The following TBC1D1 variants were observed in gnomAD, a reference collection of about 807,000 sequenced individuals.
TBC1D1 encodes the protein TBC1 (tre-2/USP6, BUB2, cdc16) domain family, member 1.
A neutral mutation model predicts 125.6 loss-of-function variants in TBC1D1; 89 were observed. That is an observed-to-expected ratio of 0.71 (90% CI 0.60 to 0.85). The LOEUF is 0.85. Ranked by LOEUF, TBC1D1 falls within the 40% of genes least tolerant of loss-of-function variation. TBC1D1 has a pLI of 0.00. For missense variants in TBC1D1, 1,377 were observed against 1,469.2 expected (o/e 0.94, Z 1.03); for synonymous variants, 565 against 564.1 (o/e 1.00, Z -0.02).
At position 38,103,103 on chromosome 4, in the gene TBC1D1, A is replaced by G; in HGVS notation, c.2503A>G (p.Lys835Glu). ...ACAGCAGCCAAAGGATGTGCCATAC[A>G]AAGAACTCTTAAAGCAGCTGACTTC... Residue 835 changes from lysine (K) to glutamate (E), a missense_variant, in exon 15 of 20, where the codon AAA (lysine) becomes GAA (glutamate). Physicochemically the swap from Lys to Glu is moderately conservative, Grantham distance 56 (BLOSUM62 1). Coordinates refer to ENST00000261439, the MANE Select transcript of TBC1D1 (RefSeq NM_015173.4). 8 of 1,614,108 alleles carry G rather than the reference A, an allele frequency of 5.0e-6. No homozygotes were observed. Among genetic ancestry groups the G allele is most frequent in the African/African-American group, 1.3e-5 (1 of 75,034 alleles).
intron 2 of TBC1D1, among the ~76,000 whole-genome samples, chr4:37,925,812 TA>T (rs34304009): frequency 0.022 from 3,352 of 151,126 alleles, 110 homozygotes; most frequent in African/African-American, 0.076. Flanking sequence ...ATAACTGTTC[TA>T]AAAAAAAAGT....
chr4:38,104,293 C>G (rs749748202), intron 15 of TBC1D1, among the ~76,000 whole-genome samples: 1 of 152,102 alleles, frequency 6.6e-6, no homozygotes, highest in Non-Finnish European at 1.5e-5. Flanking sequence ...ACCTATCCCC[C>G]GAGGATGCCA....
At chr4:38,087,811 A>C (rs1282083415) in intron 12 of TBC1D1, among the ~76,000 whole-genome samples, 1 of 135,360 alleles carries the variant, frequency 7.4e-6, no homozygotes, top group African/African-American at 2.8e-5. Flanking sequence ...GCGCCACCAC[A>C]CTCCCACCTG....
At chr4:37,991,886 G>T (rs975796808) in intron 2 of TBC1D1, among the ~76,000 whole-genome samples, 2 of 152,102 alleles carry the variant, frequency 1.3e-5, no homozygotes, top group Admixed American at 6.6e-5. Flanking sequence ...CCATCCAGGG[G>T]GTGACAAAGA....
intron 19 of TBC1D1, among the ~76,000 whole-genome samples, chr4:38,134,127 C>T (rs1332487815): frequency 3.3e-5 from 5 of 151,960 alleles, no homozygotes; most frequent in Non-Finnish European, 5.9e-5. Context: ...ATATTTTTGC[C>T]GAAATTTTTA....
At chr4:38,073,801 G>A (rs558605642) in intron 12 of TBC1D1, among the ~76,000 whole-genome samples, 15 of 152,200 alleles carry the variant, frequency 9.9e-5, no homozygotes, top group South Asian at 4.2e-4. Flanking sequence ...GAAGGCAGCC[G>A]GTCCATTCCT....
intron 19 of TBC1D1, among the ~76,000 whole-genome samples, chr4:38,135,768 G>C (rs1361734738): frequency 6.6e-6 from 1 of 152,124 alleles, no homozygotes; most frequent in Non-Finnish European, 1.5e-5. Context: ...GCCAGAGCTA[G>C]ACTTCGAGTC....
intron 14 of TBC1D1, among the ~76,000 whole-genome samples, chr4:38,102,785 G>A (rs1760603791): frequency 1.3e-5 from 2 of 151,916 alleles, no homozygotes; most frequent in Non-Finnish European, 2.9e-5. Flanking sequence ...GGAGGCCGAG[G>A]TGGGAGGATC....
At chr4:38,062,340 A>G (rs1752921745) in intron 12 of TBC1D1, among the ~76,000 whole-genome samples, 4 of 151,454 alleles carry the variant, frequency 2.6e-5, no homozygotes, top group Admixed American at 2.0e-4. Context: ...CTCATTTGCA[A>G]CTTATTTGAA....
At chr4:38,106,873 A>G (rs1578744056) in intron 15 of TBC1D1, among the ~76,000 whole-genome samples, 1 of 152,132 alleles carries the variant, frequency 6.6e-6, no homozygotes, top group Non-Finnish European at 1.5e-5. Flanking sequence ...GGGCTCAGGC[A>G]GCCTTCCTTG....
In TBC1D1 at chr4:38,138,856, A is replaced by G. The variant is rs1025190546; in HGVS notation, c.*1521A>G. ...AGACTCACTGTGAGTCTCCCCGGCC[A>G]TTTCACGAGGAGACCACAGTGCTGC... On this transcript the variant is annotated 3_prime_UTR_variant, in exon 20 of 20. Transcript: ENST00000261439. 2 of 152,548 alleles carry G rather than the reference A, an allele frequency of 1.3e-5. No individual in the cohort carries two copies. The highest frequency in any genetic ancestry group is 2.4e-5 in the African/African-American group (1 of 41,422). 9.4% of individuals were successfully genotyped at this position (152,548 alleles called of 1,614,324 possible). A position where few individuals can be genotyped will look rare whatever the true frequency, so the allele number is the denominator to read the frequency against.
intron 2 of TBC1D1, among the ~76,000 whole-genome samples, chr4:37,988,750 T>C (rs1341655064): frequency 1.3e-5 from 2 of 152,126 alleles, no homozygotes; most frequent in Non-Finnish European, 2.9e-5. Context: ...AAAACAAAAT[T>C]TGAAGCACCC....
intron 12 of TBC1D1, among the ~76,000 whole-genome samples, chr4:38,081,666 T>G (rs942878974): frequency 6.6e-6 from 1 of 152,210 alleles, no homozygotes; most frequent in Non-Finnish European, 1.5e-5. Context: ...CAGCACTTAC[T>G]CTTGTCTAAG....
At chr4:38,080,013 T>G (rs1756282569) in intron 12 of TBC1D1, among the ~76,000 whole-genome samples, 1 of 152,258 alleles carries the variant, frequency 6.6e-6, no homozygotes, top group African/African-American at 2.4e-5. Context: ...CCCAGAGTTT[T>G]TGATCCAGTA....
intron 15 of TBC1D1, among the ~76,000 whole-genome samples, chr4:38,104,615 C>T (rs3890061): frequency 0.14 from 22,004 of 152,118 alleles, 2,123 homozygotes; most frequent in East Asian, 0.47. Flanking sequence ...TGGGGCCCTG[C>T]GGTGGCCCGG....
rs1172134735 is a variant in TBC1D1 at position 37,947,510 on chromosome 4, G to T, written c.417+44998G>T. On this transcript the variant is annotated intron_variant, in intron 2 of 19. Transcript: ENST00000261439. Reference sequence around the variant, plus strand: ...GTCTCTCACTCTGTCATCCAGGCTGGAGTATAGTCGTGCGATCATAGCTCA... The same window carrying T: ...GTCTCTCACTCTGTCATCCAGGCTGTAGTATAGTCGTGCGATCATAGCTCA... Among the ~76,000 whole-genome samples, 2 of 152,016 alleles carry T rather than the reference G, an allele frequency of 1.3e-5. 1 individual carries two copies. Among genetic ancestry groups the T allele is most frequent in the Non-Finnish European group, 2.9e-5 (2 of 68,008 alleles).
intron 2 of TBC1D1, among the ~76,000 whole-genome samples, chr4:37,925,059 G>C (rs1721777381): frequency 6.6e-6 from 1 of 152,174 alleles, no homozygotes; most frequent in Admixed American, 6.5e-5. Context: ...CTATGCTCTT[G>C]CTGCTGCTAC....
chr4:37,934,645 C>G (rs1724001916), intron 2 of TBC1D1, among the ~76,000 whole-genome samples: 1 of 152,086 alleles, frequency 6.6e-6, no homozygotes. Flanking sequence ...CTGAATTGGC[C>G]AGCAGAGAGA....
chr4:37,960,538 T>C, intron 2 of TBC1D1: 1 of 1,614,140 alleles, frequency 6.2e-7, no homozygotes, highest in South Asian at 1.1e-5. Flanking sequence ...ATCAAAGCAT[T>C]AGATGGGATA....
Sources: allele counts gnomAD v4.1 joint callset (sites outside exome capture counted in the v4.1 genomes callset), GRCh38; gene constraint gnomAD v4.1.1; transcripts MANE v1.5; gene names NCBI Gene and HGNC (gene_info 2026-07-23, HGNC 2026-07-21).